BCLAF3: variants seen among roughly 807,000 people sequenced by gnomAD.
BCLAF3 encodes BCLAF1 and THRAP3 family member 3, also known as transient octamer binding factor 1.
Under a neutral mutation model 51.2 loss-of-function variants are expected in BCLAF3, and 24 were observed. The observed-to-expected ratio is 0.47, with a 90% CI of 0.34 to 0.66. The LOEUF is 0.66. BCLAF3 is among the 30% of genes least tolerant of loss of function. The pLI is 0.01. For synonymous variants in BCLAF3, 152 were observed against 176.6 expected (o/e 0.86, Z 1.10); for missense variants, 465 against 525.1 (o/e 0.89, Z 1.12).
At chrX:19,961,723 G>T (rs944391056) in intron 4 of BCLAF3, among the ~76,000 whole-genome samples, 1 of 112,209 alleles carries the variant, frequency 8.9e-6, no homozygotes, top group Non-Finnish European at 1.9e-5. Context: ...CCATTCACCA[G>T]GAAATAAAGA....
chrX:19,938,166 T>G (rs146962388), intron 8 of BCLAF3, among the ~76,000 whole-genome samples: 243 of 111,229 alleles, frequency 2.2e-3, no homozygotes, highest in Non-Finnish European at 3.8e-3. Context: ...AAAGCCTCAT[T>G]TCCACAGCCC....
chrX:19,948,173 T>C (rs1346536088), intron 8 of BCLAF3, among the ~76,000 whole-genome samples: 1 of 111,310 alleles, frequency 9.0e-6, no homozygotes, highest in African/African-American at 3.3e-5. Context: ...AGAGTAACCA[T>C]CAAACTCATC....
rs1049331851 is a variant in BCLAF3, at chrX:19,914,868, G to A, written c.*2437C>T. ...GAAACCAATAGGAAAGAAACATGAC[G>A]AGGGGATGCTGAATCAGAAATGTCA... On this transcript the variant is annotated 3_prime_UTR_variant, in exon 12 of 12. Coordinates refer to ENST00000379682, the MANE Select transcript of BCLAF3 (RefSeq NM_001367774.2). 1.8e-5 allele frequency: 2 copies of A among 111,930 alleles called. No homozygotes were observed. The highest frequency in any genetic ancestry group is 3.7e-4 in the South Asian group (1 of 2,703). 9.2% of individuals were successfully genotyped at this position (111,930 alleles called of 1,213,427 possible). A position where few individuals can be genotyped will look rare whatever the true frequency, so the allele number is the denominator to read the frequency against.
intron 11 of BCLAF3, among the ~76,000 whole-genome samples, chrX:19,921,288 C>A (rs2070149445): frequency 9.0e-6 from 1 of 111,492 alleles, no homozygotes; most frequent in African/African-American, 3.3e-5. Flanking sequence ...CGAGAAGACT[C>A]CAAAGCTTCC....
intron 8 of BCLAF3, among the ~76,000 whole-genome samples, chrX:19,950,033 A>G (rs1018829051): frequency 8.9e-6 from 1 of 111,804 alleles, no homozygotes; most frequent in Non-Finnish European, 1.9e-5. Flanking sequence ...AGAAAAATCT[A>G]CTGAGGATCT....
At chrX:19,928,239 TAA>T (rs1250016692) in intron 11 of BCLAF3, among the ~76,000 whole-genome samples, 1 of 110,072 alleles carries the variant, frequency 9.1e-6, no homozygotes, top group Non-Finnish European at 1.9e-5. Flanking sequence ...AATCTACAAC[TAA>T]AAGAGTATGC....
chrX:19,952,840 C>G (rs1044073457), intron 7 of BCLAF3, 148 bp downstream of exon 7: 20 of 443,396 alleles, frequency 4.5e-5, no homozygotes, highest in African/African-American at 4.5e-4. Context: ...GTCAGAATCA[C>G]CTGAAGACTT....
At chrX:19,947,527 T>C (rs2071352032) in intron 8 of BCLAF3, among the ~76,000 whole-genome samples, 2 of 111,493 alleles carry the variant, frequency 1.8e-5, no homozygotes, top group Non-Finnish European at 3.8e-5. Context: ...TTTTTTTTTT[T>C]ACTTTACAAT....
rs1398311301 is a variant in BCLAF3, at chrX:19,918,650, C to T, written c.2107-1316G>A. 3.9e-5 allele frequency among the ~76,000 whole-genome samples: 4 copies of T among 103,398 alleles called. No homozygotes were observed. The Admixed American group carries it at 4.4e-4, about 11-fold the overall frequency. 89.8% of individuals were successfully genotyped at this position (103,398 alleles called of 115,157 possible). A position where few individuals can be genotyped will look rare whatever the true frequency, so the allele number is the denominator to read the frequency against. On this transcript the variant is annotated intron_variant, in intron 11 of 11. Transcript: ENST00000379682. ...CTGCCTCCTGGGTTCAAGCAATTCT[C>T]CTGCCTCAGCCTTCTGAGTAGCTGG...
chrX:19,954,423 A>G (rs1603318415), intron 5 of BCLAF3, among the ~76,000 whole-genome samples: 2 of 112,412 alleles, frequency 1.8e-5, no homozygotes, highest in East Asian at 5.6e-4. Flanking sequence ...TTAATAGGAT[A>G]CAGAGAAAGA....
Position 19,914,018 on chromosome X carries a change from T to A in BCLAF3, c.*3287A>T, listed in dbSNP as rs754206436. 3.6e-4 allele frequency: 40 copies of A among 111,256 alleles called. No homozygotes were observed. The highest frequency in any genetic ancestry group is 1.3e-3 in the African/African-American group (39 of 30,614). The allele number at this position is 111,256 out of a possible 1,213,427, so 9.2% of individuals were successfully genotyped here. On this transcript the variant is annotated 3_prime_UTR_variant, in exon 12 of 12. Coordinates refer to ENST00000379682, the MANE Select transcript of BCLAF3 (RefSeq NM_001367774.2). ...TTGTTGGGGAACCTGGTATCCCCTC[T>A]CTTCTAGGTTCCCATTAAATGTCCA...
intron 1 of BCLAF3, among the ~76,000 whole-genome samples, chrX:19,982,288 C>CAACA (rs999884221): frequency 1.8e-5 from 2 of 110,357 alleles, no homozygotes; most frequent in Non-Finnish European, 3.8e-5. Context: ...CCAACAACAA[C>CAACA]AACAAACAAA....
intron 11 of BCLAF3, 94 bp from the exon 12 acceptor site, chrX:19,917,428 G>A (rs186680399): frequency 2.7e-5 from 21 of 778,858 alleles, no homozygotes; most frequent in African/African-American, 1.2e-4. Flanking sequence ...AAGTATTTTC[G>A]TTTATACAGT....
chrX:19,952,830 G>A (rs948356596), intron 7 of BCLAF3, among the ~76,000 whole-genome samples, 158 bp downstream of exon 7: 1 of 111,653 alleles, frequency 9.0e-6, no homozygotes, highest in African/African-American at 3.3e-5. Context: ...CTGGCTGATA[G>A]TCAGAATCAC....
At chrX:19,938,350 C>T (rs1037199083) in intron 8 of BCLAF3, among the ~76,000 whole-genome samples, 2 of 111,452 alleles carry the variant, frequency 1.8e-5, no homozygotes, top group Admixed American at 1.9e-4. Flanking sequence ...CTGGCCCTTG[C>T]TACCTCGCTC....
chrX:19,956,629 C>A lies in BCLAF3; in HGVS notation c.1275-1063G>T, dbSNP rs146530967. Among the ~76,000 whole-genome samples the A allele has an allele frequency of 6.3e-5, 7 of 111,659 alleles. No individual in the cohort carries two copies. In the East Asian group the frequency reaches 2.0e-3, roughly 31 times the overall value. On this transcript the variant is annotated intron_variant, in intron 4 of 11. Coordinates refer to ENST00000379682, the MANE Select transcript of BCLAF3 (RefSeq NM_001367774.2). ...TTCTCATTATTTTATATTTATATCT[C>A]ATTTTGGACCCAAAATGGCACTAAT...
At chrX:19,985,460 C>T (rs967408037) in intron 1 of BCLAF3, among the ~76,000 whole-genome samples, 1 of 109,766 alleles carries the variant, frequency 9.1e-6, no homozygotes, top group African/African-American at 3.3e-5. Context: ...GTGGCACACG[C>T]CTGTAGTCCT....
chrX:19,975,616 T>C lies in BCLAF3; in HGVS notation c.-34-5318A>G, dbSNP rs980317447. Among the ~76,000 whole-genome samples the C allele has an allele frequency of 4.5e-5, 5 of 112,229 alleles. No homozygotes were observed. In the Admixed American group the frequency reaches 4.7e-4, roughly 11 times the overall value. ...GCCTCAGCCTCCCAAAGGGCTAGGA[T>C]TACAGGCGTGAGCCACTGCGCCCGG... is the stretch of plus-strand genomic sequence containing the variant. On this transcript the variant is annotated intron_variant, in intron 1 of 11. Transcript: ENST00000379682.
chrX:19,932,128 A>G (rs761272943), intron 10 of BCLAF3, among the ~76,000 whole-genome samples: 7 of 112,351 alleles, frequency 6.2e-5, no homozygotes, highest in Admixed American at 1.9e-4. Context: ...TGAGAATTTT[A>G]CTCAGAAGAT....
Sources: allele counts gnomAD v4.1 joint callset (sites outside exome capture counted in the v4.1 genomes callset), GRCh38; gene constraint gnomAD v4.1.1; transcripts MANE v1.5; gene names NCBI Gene and HGNC (gene_info 2026-07-23, HGNC 2026-07-21).